Variants in LIPH observed in about 807,000 individuals in gnomAD.
The protein encoded by LIPH is lipase member H.
LIPH carries 32 observed loss-of-function variants against 47.6 expected under a neutral mutation model. The ratio of observed to expected loss-of-function variants is 0.67; its 90% CI spans 0.51 to 0.90. The LOEUF (loss-of-function observed/expected upper bound fraction) is 0.90, where lower values mean the gene tolerates loss of function less well. Among genes scored for constraint, LIPH ranks in the 40% least tolerant of loss-of-function variants. LIPH has a pLI of 0.00. For synonymous variants in LIPH, 190 were observed against 195.6 expected, an observed-to-expected ratio of 0.97 and a Z score of 0.24; for missense variants, 497 against 541.4, an observed-to-expected ratio of 0.92 and a Z score of 0.81.
At chr3:185,548,967 C>A (rs147996693) in intron 1 of LIPH, among the ~76,000 whole-genome samples, 7,268 of 151,374 alleles carry the variant, frequency 0.048, 285 homozygotes, top group East Asian at 0.24. Flanking sequence ...CTCCGTCTCT[C>A]CTAAAAATAC....
Position 185,511,517 on chromosome 3 carries a change from A to G in LIPH, c.1268+7T>C, listed in dbSNP as rs1472623592. The G allele has an allele frequency of 1.2e-6, 2 of 1,614,060 alleles. No homozygotes were observed. The highest frequency in any genetic ancestry group is 3.3e-5 in the Admixed American group (2 of 60,010). On this transcript the variant is annotated splice_region_variant and intron_variant, in intron 9 of 9. Transcript: ENST00000296252. ...CAGCGTTTTGTCAAACCGTACCCTC[A>G]GCTCACCTCTCCGGATGGGCAAGGG...
chr3:185,529,447 G>T (rs1720240580), intron 3 of LIPH, among the ~76,000 whole-genome samples: 1 of 147,688 alleles, frequency 6.8e-6, no homozygotes, highest in Non-Finnish European at 1.5e-5. Flanking sequence ...GTGGGGGTAG[G>T]GGAGGAGAGC....
At chr3:185,509,231 G>A (rs1719477818) in intron 9 of LIPH, among the ~76,000 whole-genome samples, 1 of 152,050 alleles carries the variant, frequency 6.6e-6, no homozygotes, top group South Asian at 2.1e-4. Flanking sequence ...GTTGCAGTGA[G>A]CTGAGATCAC....
chr3:185,537,541 A>G (rs1228955193), intron 1 of LIPH, among the ~76,000 whole-genome samples: 1 of 152,138 alleles, frequency 6.6e-6, no homozygotes, highest in Non-Finnish European at 1.5e-5. Context: ...AACCCAGAGC[A>G]AAGAGTTGCC....
chr3:185,515,269 A>G (rs1275462765), intron 7 of LIPH, among the ~76,000 whole-genome samples: 2 of 152,160 alleles, frequency 1.3e-5, no homozygotes, highest in East Asian at 1.9e-4. Flanking sequence ...GGGTACATCT[A>G]TACAAATGTT....
At position 185,511,524 on chromosome 3, in the gene LIPH, C is replaced by T; in HGVS notation, c.1268G>A (p.Arg423Lys). The part of the protein sequence containing the change: ...MKLRSLAHPE[R>K]PQLCRYDLVL... ...TTGTCAAACCGTACCCTCAGCTCACCTCTCCGGATGGGCAAGGGACCTTAA... is the reference window on the plus strand; with the variant it reads ...TTGTCAAACCGTACCCTCAGCTCACTTCTCCGGATGGGCAAGGGACCTTAA... Residue 423 changes from arginine (R) to lysine (K), a missense_variant and splice_region_variant, in exon 9 of 10, where the codon AGG (arginine) becomes AAG (lysine). Transcript: ENST00000296252. 6.2e-7 allele frequency: 1 copy of T among 1,614,172 alleles called. No individual in the cohort carries two copies. The highest frequency in any genetic ancestry group is 1.1e-5 in the South Asian group (1 of 91,082).
At position 185,535,147 on chromosome 3, in the gene LIPH, T is replaced by C. The variant is rs1473830966; in HGVS notation, c.50-15A>G. On this transcript the variant is annotated splice_polypyrimidine_tract_variant and intron_variant, in intron 1 of 9. Coordinates refer to ENST00000296252, the MANE Select transcript of LIPH (RefSeq NM_139248.3). ...TTCTTCTGCGTCTGAAAATAAAAAT[T>C]AGATGGCATCACGACAGGTCTTTCC... The C allele has an allele frequency of 6.2e-7, 1 of 1,613,374 alleles. No homozygotes were observed. Among genetic ancestry groups the C allele is most frequent in the Admixed American group, 1.7e-5 (1 of 60,004 alleles).
intron 1 of LIPH, among the ~76,000 whole-genome samples, chr3:185,545,353 T>G (rs1482345161): frequency 5.3e-5 from 8 of 152,236 alleles, no homozygotes; most frequent in Non-Finnish European, 1.0e-4. Flanking sequence ...CCAAGTAGGA[T>G]ACCAGGGCAA....
chr3:185,527,787 G>A (rs1353496499), intron 3 of LIPH, among the ~76,000 whole-genome samples: 2 of 147,552 alleles, frequency 1.4e-5, no homozygotes, highest in Non-Finnish European at 3.0e-5. Flanking sequence ...TACCCTGGCT[G>A]TGCCCCTGAG....
intron 1 of LIPH, among the ~76,000 whole-genome samples, chr3:185,538,110 A>G (rs1006217122): frequency 1.3e-5 from 2 of 152,130 alleles, no homozygotes; most frequent in African/African-American, 4.8e-5. Context: ...CCAGCCCTAC[A>G]TAATTTCTTT....
At chr3:185,546,603 C>T (rs574382856) in intron 1 of LIPH, among the ~76,000 whole-genome samples, 16 of 152,076 alleles carry the variant, frequency 1.1e-4, no homozygotes, top group Non-Finnish European at 2.1e-4. Context: ...GTTCGAGACC[C>T]GCCTGGAACA....
chr3:185,527,780 C>T (rs1027542079), intron 3 of LIPH, among the ~76,000 whole-genome samples, 195 bp from the exon 4 acceptor site: 3 of 147,188 alleles, frequency 2.0e-5, no homozygotes, highest in African/African-American at 7.5e-5. Flanking sequence ...AGACGGTTAC[C>T]CTGGCTGTGC....
chr3:185,526,774 G>T (rs983459097), intron 4 of LIPH, among the ~76,000 whole-genome samples: 40 of 150,574 alleles, frequency 2.7e-4, no homozygotes, highest in Non-Finnish European at 4.9e-4. Flanking sequence ...GAGCCAGAGA[G>T]CTGTAGTTGC....
At position 185,511,636 on chromosome 3, in the gene LIPH, G is replaced by A. The variant is rs1169425952; in HGVS notation, c.1156C>T (p.Leu386=). ...VSLLARFNQD[L]DKVAAISLMF... ...AAGGAAATTGCAGCCACTTTATCCA[G>A]ATCTTGATTAAATCTTGCAAGTAGA... The change falls in exon 9 of 10, where the codon CTG becomes TTG. Residue 386 remains leucine, a synonymous_variant. Transcript: ENST00000296252. 6.2e-7 allele frequency: 1 copy of A among 1,613,378 alleles called. No homozygotes were observed.
At chr3:185,521,762 T>G (rs2148951495) in intron 5 of LIPH, among the ~76,000 whole-genome samples, 1 of 152,328 alleles carries the variant, frequency 6.6e-6, no homozygotes, top group Non-Finnish European at 1.5e-5. Flanking sequence ...GAGTCTGTAG[T>G]AGAGTATGGG....
intron 1 of LIPH, among the ~76,000 whole-genome samples, chr3:185,551,699 T>A (rs1721053286): frequency 6.6e-6 from 1 of 152,168 alleles, no homozygotes; most frequent in Admixed American, 6.5e-5. Context: ...TTACAAGTCT[T>A]AATATATAAC....
Position 185,534,957 on chromosome 3 carries a change from G to A in LIPH, c.225C>T (p.Val75=). Residue 75 remains valine (V), a synonymous_variant, in exon 2 of 10, where the codon GTC becomes GTT. Coordinates refer to ENST00000296252, the MANE Select transcript of LIPH (RefSeq NM_139248.3). ...GGGAGCCTGTTGGCCTGAATCCATGGACAATGAAGGTGGTTTTCTTGGTCA... is the reference window on the plus strand; with the variant it reads ...GGGAGCCTGTTGGCCTGAATCCATGAACAATGAAGGTGGTTTTCTTGGTCA... The part of the protein sequence containing the change: ...LNVTKKTTFI[V]HGFRPTGSPP... The A allele has an allele frequency of 2.5e-6, 4 of 1,613,922 alleles. No individual in the cohort carries two copies. The highest frequency in any genetic ancestry group is 2.5e-6 in the Non-Finnish European group (3 of 1,179,892).
In LIPH at chr3:185,506,862, C is replaced by T. The variant is rs1402444726; in HGVS notation, c.*1928G>A. 8.6e-6 allele frequency: 1 copy of T among 116,912 alleles called. No individual in the cohort carries two copies. Among genetic ancestry groups the T allele is most frequent in the Admixed American group, 8.9e-5 (1 of 11,240 alleles). 7.2% of individuals were successfully genotyped at this position (116,912 alleles called of 1,614,324 possible). On this transcript the variant is annotated 3_prime_UTR_variant, in exon 10 of 10. Coordinates refer to ENST00000296252, the MANE Select transcript of LIPH (RefSeq NM_139248.3). Reference sequence around the variant, plus strand: ...AAAAAAAAAAAAAAAAAAAAAAAACCAGGGCCTACAGCACACTGATCTCTC... The same window carrying T: ...AAAAAAAAAAAAAAAAAAAAAAAACTAGGGCCTACAGCACACTGATCTCTC...
intron 2 of LIPH, 24 bp from the exon 3 acceptor site, chr3:185,533,703 T>G: frequency 6.9e-7 from 1 of 1,447,900 alleles, no homozygotes; most frequent in Non-Finnish European, 9.7e-7. Context: ...AGGTCCATCA[T>G]TGTAAATTGT....
Sources: allele counts gnomAD v4.1 joint callset (sites outside exome capture counted in the v4.1 genomes callset), GRCh38; gene constraint gnomAD v4.1.1; transcripts MANE v1.5; gene names NCBI Gene and HGNC (gene_info 2026-07-23, HGNC 2026-07-21).